Variants in CRIP2 observed in about 807,000 individuals in gnomAD.
CRIP2 encodes cysteine rich protein 2.
In CRIP2, 31 loss-of-function variants were observed where a neutral mutation model predicts 31.3. The observed-to-expected ratio is 0.99, with a 90% CI of 0.74 to 1.34. The LOEUF (loss-of-function observed/expected upper bound fraction) is 1.34. Ranked by LOEUF, CRIP2 falls within the 40% of genes most tolerant of loss-of-function variation. The pLI is 0.00. For synonymous variants in CRIP2, 177 were observed against 127.2 expected (o/e 1.39, Z -2.63); for missense variants, 389 against 301.6 (o/e 1.29, Z -2.15).
chr14:105,473,644 C>T, upstream of CRIP2: 1 of 1,217,396 alleles, frequency 8.2e-7, no homozygotes, highest in South Asian at 1.6e-5. Context: ...TCAGCTGGGG[C>T]CAGAAGGCTC....
In CRIP2 at chr14:105,479,809, C is replaced by T. The variant is rs2084052588; in HGVS notation, c.*156C>T. On this transcript the variant is annotated 3_prime_UTR_variant, in exon 8 of 8. Transcript: ENST00000329146. Reference sequence around the variant, plus strand: ...GGGCAGCCACGGGCAGAGCACCATGCCCATCCCCGAGTCTCTGGTGTGTCT... The same window carrying T: ...GGGCAGCCACGGGCAGAGCACCATGTCCATCCCCGAGTCTCTGGTGTGTCT... 6.0e-5 allele frequency: 46 copies of T among 763,076 alleles called. No individual in the cohort carries two copies. In the South Asian group the frequency reaches 7.0e-4, roughly 12 times the overall value. 47.3% of individuals were successfully genotyped at this position (763,076 alleles called of 1,614,324 possible). A position where few individuals can be genotyped will look rare whatever the true frequency, so the allele number is the denominator to read the frequency against.
At chr14:105,473,119 G>A (rs2083870172), upstream of CRIP2, 4 of 1,165,920 alleles carry the variant, frequency 3.4e-6, no homozygotes, top group Admixed American at 4.2e-5. Flanking sequence ...GGCAGAACAG[G>A]GCAGGGAGCT....
upstream of CRIP2, chr14:105,473,375 C>T: frequency 6.5e-7 from 1 of 1,535,670 alleles, no homozygotes; most frequent in Non-Finnish European, 8.7e-7. Flanking sequence ...ATGGAAATGG[C>T]AGTGGCTGCA....
At chr14:105,476,312 C>T (rs991686951) in intron 1 of CRIP2, 6 of 985,366 alleles carry the variant, frequency 6.1e-6, no homozygotes, top group Admixed American at 6.1e-5. Flanking sequence ...AAAACAAAGG[C>T]GCTTCAGACC....
upstream of CRIP2, chr14:105,474,017 G>A (rs1056517481): frequency 6.1e-6 from 1 of 162,870 alleles, no homozygotes; most frequent in Non-Finnish European, 1.4e-5. The surrounding 1 kb of genome is among the most constrained non-coding windows in gnomAD (Gnocchi z 5.1). Context: ...CTGGGTGGAA[G>A]TGCTTGGGGT....
At chr14:105,473,198 A>C, upstream of CRIP2, 1 of 1,529,834 alleles carries the variant, frequency 6.5e-7, no homozygotes, top group Non-Finnish European at 8.7e-7. Context: ...ACCCCTAGGG[A>C]CCCCTGGGCC....
intron 1 of CRIP2, chr14:105,477,182 G>A (rs782408595): frequency 1.3e-6 from 1 of 758,780 alleles, no homozygotes; most frequent in Non-Finnish European, 1.6e-6. Context: ...GGCCCTTCCT[G>A]CCCCTCCCCA....
At position 105,478,300 on chromosome 14, in the gene CRIP2, C is replaced by A; in HGVS notation, c.78C>A (p.His26Gln). 6.4e-7 allele frequency: 1 copy of A among 1,572,936 alleles called. No homozygotes were observed. Among genetic ancestry groups the A allele is most frequent in the Non-Finnish European group, 8.6e-7 (1 of 1,161,448 alleles). The change falls in exon 2 of 8, where the codon CAC (histidine) becomes CAA (glutamine). Residue 26 changes from histidine (H) to glutamine (Q), a missense_variant. Physicochemically the swap from His to Gln is conservative, Grantham distance 24. Coordinates refer to ENST00000329146, the MANE Select transcript of CRIP2 (RefSeq NM_001312.4). The surrounding 1 kb of genome is among the most constrained non-coding windows in gnomAD (Gnocchi z 4.9). The part of the protein sequence containing the change: ...EKVSSLGKDW[H>Q]KFCLKCERCS... Reference sequence around the variant, plus strand: ...TGAGCTCCCTGGGGAAGGACTGGCACAAGTTCTGCCTCAAGTGCGAGCGCT... The same window carrying A: ...TGAGCTCCCTGGGGAAGGACTGGCAAAAGTTCTGCCTCAAGTGCGAGCGCT...
At chr14:105,479,530 G>T in intron 7 of CRIP2, 37 bp downstream of exon 7, 1 of 1,612,642 alleles carries the variant, frequency 6.2e-7, no homozygotes, top group Non-Finnish European at 8.5e-7. Context: ...TGTCTTCCCT[G>T]CCCTCCCCTT....
rs150518872 is a variant in CRIP2 at position 105,475,847 on chromosome 14, G to C, written c.43+942G>C. ...CCTACCCACCAGCTGCTGCACGAAG[G>C]GGGGCAGACTTAGTGAAGCAGAGAG... is the stretch of plus-strand genomic sequence containing the variant. On this transcript the variant is annotated intron_variant, in intron 1 of 7. Coordinates refer to ENST00000329146, the MANE Select transcript of CRIP2 (RefSeq NM_001312.4). 8.1e-3 allele frequency: 7,963 copies of C among 985,510 alleles called. 47 individuals carry two copies. The highest frequency in any genetic ancestry group is 9.4e-3 in the Middle Eastern group (18 of 1,914). The allele number at this position is 985,510 out of a possible 1,614,324, so 61.0% of individuals were successfully genotyped here.
At chr14:105,475,584 A>G (rs1036762336) in intron 1 of CRIP2, among the ~76,000 whole-genome samples, 1 of 152,230 alleles carries the variant, frequency 6.6e-6, no homozygotes, top group African/African-American at 2.4e-5. Flanking sequence ...CTTGTGCTCA[A>G]GCAGCCCAGG....
chr14:105,473,488 C>T, upstream of CRIP2: 4 of 1,535,566 alleles, frequency 2.6e-6, no homozygotes, highest in Non-Finnish European at 3.5e-6. Context: ...ACAAACATGC[C>T]TGGTGCACCA....
At chr14:105,473,616 T>C, upstream of CRIP2, 1 of 1,373,534 alleles carries the variant, frequency 7.3e-7, no homozygotes, top group Non-Finnish European at 9.7e-7. Flanking sequence ...GGGATCTGCC[T>C]GTCTCCCAGG....
Position 105,478,879 on chromosome 14 carries a change from GGGCGCGGGCT to G in CRIP2, c.337+11_337+20del. On this transcript the variant is annotated intron_variant, in intron 4 of 7. Transcript: ENST00000329146. The surrounding 1 kb of genome is among the most constrained non-coding windows in gnomAD (Gnocchi z 4.9). ...CGAAGGGGCCCAGCAGAGGTGGGCT[GGGCGCGGGCT>G]GGGGCTGGGGGTTGTGGGCACGCGC... 25 of 1,442,294 alleles carry G rather than the reference GGGCGCGGGCT, an allele frequency of 1.7e-5. No individual in the cohort carries two copies. The highest frequency in any genetic ancestry group is 2.3e-5 in the Non-Finnish European group (25 of 1,108,798). The allele number at this position is 1,442,294 out of a possible 1,614,324, so 89.3% of individuals were successfully genotyped here. A position where few individuals can be genotyped will look rare whatever the true frequency, so the allele number is the denominator to read the frequency against.
chr14:105,478,935 G>A lies in CRIP2; in HGVS notation c.338-44G>A. On this transcript the variant is annotated intron_variant, in intron 4 of 7. Coordinates refer to ENST00000329146, the MANE Select transcript of CRIP2 (RefSeq NM_001312.4). The surrounding 1 kb of genome is among the most constrained non-coding windows in gnomAD (Gnocchi z 4.9). ...CGCGCGGGCTGGGGCTGGGGGTTGT[G>A]GGCACCCCCGGCCCCGCCCCGCCCT... 1 of 1,529,288 alleles carries A rather than the reference G, an allele frequency of 6.5e-7. No individual in the cohort carries two copies. Among genetic ancestry groups the A allele is most frequent in the East Asian group, 2.5e-5 (1 of 40,620 alleles). The allele number at this position is 1,529,288 out of a possible 1,614,324, so 94.7% of individuals were successfully genotyped here. A position where few individuals can be genotyped will look rare whatever the true frequency, so the allele number is the denominator to read the frequency against.
chr14:105,474,591 C>G (rs587769419), upstream of CRIP2: 1 of 167,676 alleles, frequency 6.0e-6, no homozygotes, highest in Admixed American at 6.7e-5. This position sits in a 1 kb window ranked among gnomAD's most constrained non-coding sequence, Gnocchi z 5.1. Context: ...CGCGGTCGCC[C>G]GGGCGGGCCC....
upstream of CRIP2, chr14:105,474,803 GGGC>G: frequency 1.8e-5 from 23 of 1,284,770 alleles, no homozygotes; most frequent in South Asian, 3.0e-4. The surrounding 1 kb of genome is among the most constrained non-coding windows in gnomAD (Gnocchi z 5.1). Context: ...GGCTGGGCGC[GGGC>G]GGCGGCGGCC....
rs922098844 is a variant in CRIP2 at position 105,480,024 on chromosome 14, C to T, written c.*371C>T. 2.7e-5 allele frequency: 7 copies of T among 262,862 alleles called. No homozygotes were observed. Among genetic ancestry groups the T allele is most frequent in the African/African-American group, 1.3e-4 (6 of 44,938 alleles). 16.3% of individuals were successfully genotyped at this position (262,862 alleles called of 1,614,324 possible). A position where few individuals can be genotyped will look rare whatever the true frequency, so the allele number is the denominator to read the frequency against. Reference sequence around the variant, plus strand: ...CTCCCTTCGTGGGTGATGGCCACGCCCTCACCATGTCCCTGGCAGAGGGCT... The same window carrying T: ...CTCCCTTCGTGGGTGATGGCCACGCTCTCACCATGTCCCTGGCAGAGGGCT... On this transcript the variant is annotated 3_prime_UTR_variant, in exon 8 of 8. Transcript: ENST00000329146.
At chr14:105,473,363 C>T, upstream of CRIP2, 2 of 1,535,530 alleles carry the variant, frequency 1.3e-6, no homozygotes, top group South Asian at 1.2e-5. Flanking sequence ...CCTGCTGTCA[C>T]CATGGAAATG....
Sources: gnomAD v4.1 joint callset for allele counts (sites outside exome capture counted in the v4.1 genomes callset) on GRCh38, gnomAD v4.1.1 for gene constraint, Gnocchi (gnomAD v3.1) non-coding constraint, MANE v1.5 for transcripts, NCBI Gene and HGNC (gene_info 2026-07-23, HGNC 2026-07-21) for gene names.